The following KDM6B variants were observed in gnomAD, a reference collection of about 807,000 sequenced individuals.
KDM6B encodes the protein lysine demethylase 6B.
In KDM6B, 22 loss-of-function variants were observed where a neutral mutation model predicts 150.4. That is an observed-to-expected ratio of 0.15 (90% CI 0.10 to 0.21). KDM6B has a LOEUF of 0.21. Among genes scored for constraint, KDM6B ranks in the 10% least tolerant of loss-of-function variants. The pLI, the probability that KDM6B is intolerant of heterozygous loss-of-function variation, is 1.00. For synonymous variants in KDM6B, 1,148 were observed against 921.1 expected (o/e 1.25, Z -4.46); for missense variants, 1,984 against 2,234.3 (o/e 0.89, Z 2.26).
In KDM6B at chr17:7,853,602, C is replaced by G. The variant is rs1329396466; in HGVS notation, c.*81C>G. The G allele has an allele frequency of 2.7e-5, 30 of 1,106,332 alleles. No homozygotes were observed. The highest frequency in any genetic ancestry group is 3.4e-5 in the Non-Finnish European group (29 of 850,684). The allele number at this position is 1,106,332 out of a possible 1,614,324, so 68.5% of individuals were successfully genotyped here. ...ACATGCCTGGGCTGGACCTAGGTCCCGCCTGTGGCCGAGAAGGGGGTCGGG... is the reference window on the plus strand; with the variant it reads ...ACATGCCTGGGCTGGACCTAGGTCCGGCCTGTGGCCGAGAAGGGGGTCGGG... On this transcript the variant is annotated 3_prime_UTR_variant, in exon 24 of 24. Coordinates refer to ENST00000448097, the MANE Select transcript of KDM6B (RefSeq NM_001348716.2).
Position 7,845,432 on chromosome 17 carries a change from G to A in KDM6B, c.-30G>A. The A allele has an allele frequency of 3.2e-6, 4 of 1,247,234 alleles. No homozygotes were observed. Among genetic ancestry groups the A allele is most frequent in the Non-Finnish European group, 3.5e-6 (3 of 848,696 alleles). The allele number at this position is 1,247,234 out of a possible 1,614,324, so 77.3% of individuals were successfully genotyped here. A position where few individuals can be genotyped will look rare whatever the true frequency, so the allele number is the denominator to read the frequency against. On this transcript the variant is annotated 5_prime_UTR_variant, in exon 4 of 24. Coordinates refer to ENST00000448097, the MANE Select transcript of KDM6B (RefSeq NM_001348716.2). ...GCAGGGGGCCGTGCCCAATCTCCAG[G>A]GCTCCTGGGGCCACTGCTGACCTGG...
intron 3 of KDM6B, 80 bp downstream of exon 3, chr17:7,845,100 C>T (rs1215413127): frequency 4.1e-6 from 1 of 246,490 alleles, no homozygotes; most frequent in African/African-American, 2.2e-5. Flanking sequence ...GTCCCTCTGA[C>T]CGGCCTTTTG....
intron 2 of KDM6B, among the ~76,000 whole-genome samples, chr17:7,842,912 C>T (rs2078447241): frequency 6.6e-6 from 1 of 152,022 alleles, no homozygotes; most frequent in African/African-American, 2.4e-5. Flanking sequence ...GTCCCGGGTG[C>T]GGACAAGGAT....
Position 7,844,998 on chromosome 17 carries a change from G to GA in KDM6B, c.-170dup. 1 of 188,888 alleles carries GA rather than the reference G, an allele frequency of 5.3e-6. No individual in the cohort carries two copies. Among genetic ancestry groups the GA allele is most frequent in the Admixed American group, 5.5e-5 (1 of 18,326 alleles). The allele number at this position is 188,888 out of a possible 1,614,324, so 11.7% of individuals were successfully genotyped here. ...TCTCTGGAGCTTGCCGACGCGGTGT[G>GA]AGGACGCTCCCACGGAGGCCGGGTA... On this transcript the variant is annotated 5_prime_UTR_variant, in exon 3 of 24. Transcript: ENST00000448097. This position sits in a 1 kb window ranked among gnomAD's most constrained non-coding sequence, Gnocchi z 5.9.
intron 16 of KDM6B, 26 bp downstream of exon 16, chr17:7,851,420 T>C: frequency 1.2e-6 from 2 of 1,614,100 alleles, no homozygotes; most frequent in Non-Finnish European, 1.7e-6. Flanking sequence ...GCCCCTTCTG[T>C]TCCTGCTTCC....
Position 7,853,218 on chromosome 17 carries a change from G to T in KDM6B, c.4746G>T (p.Val1582=). The T allele has an allele frequency of 6.2e-7, 1 of 1,612,912 alleles. No homozygotes were observed. The highest frequency in any genetic ancestry group is 8.5e-7 in the Non-Finnish European group (1 of 1,179,612). ...AYYCNECDVE[V]FNILFVTSEN... Reference sequence around the variant, plus strand: ...TGTCCTCCCTGCCCCAGGTGGAGGTGTTTAACATCCTGTTCGTGACAAGTG... The same window carrying T: ...TGTCCTCCCTGCCCCAGGTGGAGGTTTTTAACATCCTGTTCGTGACAAGTG... Residue 1582 remains valine, a synonymous_variant, in exon 23 of 24, where the codon GTG becomes GTT. Transcript: ENST00000448097.
chr17:7,841,403 G>T (rs1261663149), intron 2 of KDM6B, among the ~76,000 whole-genome samples: 1 of 152,312 alleles, frequency 6.6e-6, no homozygotes, highest in South Asian at 2.1e-4. Context: ...AGGAGGGTGG[G>T]CCTGCGCCAG....
At position 7,847,366 on chromosome 17, in the gene KDM6B, C is replaced by T. The variant is rs2151376656; in HGVS notation, c.1171C>T (p.Pro391Ser). The change falls in exon 11 of 24, where the codon CCT becomes TCT. Residue 391 changes from proline to serine, a missense_variant. Around this residue, in one of 13 missense-constraint regions of KDM6B, gnomAD observed 1,379 missense variants for 1,275.6 expected, o/e 1.08. Coordinates refer to ENST00000448097, the MANE Select transcript of KDM6B (RefSeq NM_001348716.2). ...CGTGCCTTACGCCCCTTCCCGGCCCCCTGGCCTCCCCGGCACCACCACCAG... is the reference window on the plus strand; with the variant it reads ...CGTGCCTTACGCCCCTTCCCGGCCCTCTGGCCTCCCCGGCACCACCACCAG... ...ACVPYAPSRPPGLPGTTTSSS... is the reference protein window; with the variant it reads ...ACVPYAPSRPSGLPGTTTSSS... 6.2e-7 allele frequency: 1 copy of T among 1,612,914 alleles called. No homozygotes were observed.
Position 7,846,897 on chromosome 17 carries a change from C to CCACCACCAT in KDM6B, c.791_792insACCACCATC (p.Pro264_Leu265insProProSer), listed in dbSNP as rs765463905. ...ACCACCACCACCACCACCACCACCACCCCTGCCTGGCCTGGCTACCAGCCC... is the reference window on the plus strand; with the variant it reads ...ACCACCACCACCACCACCACCACCACCACCACCATCCCTGCCTGGCCTGGCTACCAGCCC... On this transcript the variant is annotated inframe_insertion, in exon 10 of 24. Coordinates refer to ENST00000448097, the MANE Select transcript of KDM6B (RefSeq NM_001348716.2). 1 of 1,590,680 alleles carries CCACCACCAT rather than the reference C, an allele frequency of 6.3e-7. No individual in the cohort carries two copies. Among genetic ancestry groups the CCACCACCAT allele is most frequent in the Admixed American group, 1.7e-5 (1 of 58,686 alleles).
chr17:7,836,651 G>T (rs1329956033), intron 1 of KDM6B, among the ~76,000 whole-genome samples: 1 of 152,272 alleles, frequency 6.6e-6, no homozygotes, highest in Non-Finnish European at 1.5e-5. Flanking sequence ...AGGGCTGCAG[G>T]CGGAGAGGAG....
chr17:7,842,493 G>A (rs2078437835), intron 2 of KDM6B, among the ~76,000 whole-genome samples: 1 of 152,234 alleles, frequency 6.6e-6, no homozygotes, highest in Non-Finnish European at 1.5e-5. Context: ...GTCAGTCTTT[G>A]TGCCTGTCCG....
At position 7,847,197 on chromosome 17, in the gene KDM6B, C is replaced by T; in HGVS notation, c.1002C>T (p.Pro334=). The change falls in exon 11 of 24, where the codon CCC becomes CCT. Residue 334 remains proline (P), a synonymous_variant. Transcript: ENST00000448097. ...GCCACCGGCTGGTCCCGGCTGCTCCCCCAGGCCCAGGCCCCCGCCCCCCAG... is the reference window on the plus strand; with the variant it reads ...GCCACCGGCTGGTCCCGGCTGCTCCTCCAGGCCCAGGCCCCCGCCCCCCAG... ...PPGHRLVPAA[P]PGPGPRPPGA... is the part of the protein sequence containing the mutation. 1.2e-6 allele frequency: 2 copies of T among 1,600,502 alleles called. No individual in the cohort carries two copies. The highest frequency in any genetic ancestry group is 1.7e-6 in the Non-Finnish European group (2 of 1,176,780).
chr17:7,836,196 A>G (rs1052796279), intron 1 of KDM6B, among the ~76,000 whole-genome samples: 3 of 152,220 alleles, frequency 2.0e-5, no homozygotes, highest in African/African-American at 7.2e-5. Context: ...CTTCTGGGCC[A>G]TCACGCCCCT....
rs1383713864 is a variant in KDM6B at position 7,848,502 on chromosome 17, C to T, written c.2214C>T (p.Thr738=). 7.4e-6 allele frequency: 12 copies of T among 1,611,988 alleles called. No individual in the cohort carries two copies. The highest frequency in any genetic ancestry group is 5.5e-5 in the South Asian group (5 of 91,046). ...PFASLQSPFP[T]DTAPTTTAPA... ...CATCTCTGCAGTCTCCTTTCCCCAC[C>T]GACACAGCCCCCACCACTACTGCTC... The change falls in exon 12 of 24, where the codon ACC becomes ACT. Residue 738 remains threonine (T), a synonymous_variant. Coordinates refer to ENST00000448097, the MANE Select transcript of KDM6B (RefSeq NM_001348716.2).
At position 7,846,262 on chromosome 17, in the gene KDM6B, G is replaced by A. The variant is rs369247214; in HGVS notation, c.421G>A (p.Ala141Thr). 1.2e-5 allele frequency: 19 copies of A among 1,613,702 alleles called. No homozygotes were observed. The East Asian group carries it at 3.6e-4, about 30-fold the overall frequency. The change falls in exon 7 of 24, where the codon GCT (alanine) becomes ACT (threonine). Residue 141 changes from alanine to threonine, a missense_variant. This residue lies in a region of KDM6B where 337 missense variants were observed against 323.9 expected (regional missense o/e 1.04). Coordinates refer to ENST00000448097, the MANE Select transcript of KDM6B (RefSeq NM_001348716.2). ...HSALRYGGSF[A>T]ELGPRIGRLQ... is the part of the protein sequence containing the mutation. ...CGCCCTTCGATACGGAGGAAGCTTCGCTGAGCTGGGGCCCCGCATTGGCCG... is the reference window on the plus strand; with the variant it reads ...CGCCCTTCGATACGGAGGAAGCTTCACTGAGCTGGGGCCCCGCATTGGCCG...
At position 7,846,215 on chromosome 17, in the gene KDM6B, A is replaced by C; in HGVS notation, c.374A>C (p.Glu125Ala). 3 of 1,614,148 alleles carry C rather than the reference A, an allele frequency of 1.9e-6. No homozygotes were observed. Among genetic ancestry groups the C allele is most frequent in the South Asian group, 1.1e-5 (1 of 91,070 alleles). ...QLYESEHDSEEATRCYHSALR... is the reference protein window; with the variant it reads ...QLYESEHDSEAATRCYHSALR... ...TACGAGTCAGAGCACGATAGTGAGGAGGCCACACGCTGCTACCACAGCGCC... is the reference window on the plus strand; with the variant it reads ...TACGAGTCAGAGCACGATAGTGAGGCGGCCACACGCTGCTACCACAGCGCC... The change falls in exon 7 of 24, where the codon GAG (glutamate) becomes GCG (alanine). Residue 125 changes from glutamate (E) to alanine (A), a missense_variant. By Grantham distance (107) the Glu-to-Ala change is moderately radical. Transcript: ENST00000448097.
intron 1 of KDM6B, among the ~76,000 whole-genome samples, chr17:7,835,809 C>T (rs969486650): frequency 1.3e-5 from 2 of 150,688 alleles, no homozygotes; most frequent in South Asian, 2.1e-4. Context: ...GAGCCGGGCG[C>T]CCCCCTCCCC....
chr17:7,846,371 G>GGGGGGGGCGCGCGGGCCCCCCCCC, intron 7 of KDM6B, 29 bp from the exon 8 acceptor site: 1 of 1,488,926 alleles, frequency 6.7e-7, no homozygotes, highest in African/African-American at 1.4e-5. Flanking sequence ...CCTGACATCT[G>GGGGGGGGCGCGCGGGCCCCCCCCC]CCCCTGCCCC....
At chr17:7,837,380 CAGTATT>C (rs1214921578) in intron 1 of KDM6B, among the ~76,000 whole-genome samples, 2 of 152,210 alleles carry the variant, frequency 1.3e-5, no homozygotes, top group Non-Finnish European at 2.9e-5. Flanking sequence ...GGTCAAGAAA[CAGTATT>C]AGGCTGAAAA....
Sources: allele counts gnomAD v4.1 joint callset (sites outside exome capture counted in the v4.1 genomes callset), GRCh38; gene constraint gnomAD v4.1.1; regional missense constraint gnomAD v4.1.1; non-coding constraint Gnocchi (gnomAD v3.1); transcripts MANE v1.5; gene names NCBI Gene and HGNC (gene_info 2026-07-23, HGNC 2026-07-21).